Variants in SMCO2 observed in about 807,000 individuals in gnomAD.
The protein encoded by SMCO2 is single-pass membrane and coiled-coil domain-containing protein 2.
A neutral mutation model predicts 29.5 loss-of-function variants in SMCO2; 25 were observed. The observed-to-expected ratio is 0.85, with a 90% CI of 0.62 to 1.18. The LOEUF (loss-of-function observed/expected upper bound fraction) is 1.18, where lower values mean the gene tolerates loss of function less well. Among genes scored for constraint, SMCO2 ranks in the 50% most tolerant of loss-of-function variants. The pLI is 0.00. For synonymous variants in SMCO2, 117 were observed against 123.3 expected (o/e 0.95, Z 0.34); for missense variants, 348 against 344.5 (o/e 1.01, Z -0.08).
At chr12:27,453,996 G>A in the SMCO2 span, among the ~76,000 whole-genome samples, 18 of 151,830 alleles carry the variant, frequency 1.2e-4, no homozygotes, top group East Asian at 9.7e-4. Context: ...CTTTTTTGTG[G>A]GGGAGGGGGA....
In SMCO2 at chr12:27,501,891, T is replaced by C. The variant is rs910185622; in HGVS notation, c.684-32T>C. On this transcript the variant is annotated intron_variant, in intron 7 of 7. Transcript: ENST00000298876. Reference sequence around the variant, plus strand: ...CTATCAATGTGATTATTTTCAGAATTTGGTTAACACAGATGTTTTCTCTCT... The same window carrying C: ...CTATCAATGTGATTATTTTCAGAATCTGGTTAACACAGATGTTTTCTCTCT... 8.4e-6 allele frequency: 12 copies of C among 1,433,392 alleles called. 1 individual carries two copies. The highest frequency in any genetic ancestry group is 1.1e-5 in the Non-Finnish European group (12 of 1,084,828). 88.8% of individuals were successfully genotyped at this position (1,433,392 alleles called of 1,614,324 possible).
chr12:27,456,461 G>C, the SMCO2 span, among the ~76,000 whole-genome samples: 2 of 152,108 alleles, frequency 1.3e-5, no homozygotes, highest in Admixed American at 6.5e-5. Context: ...GGTCGGCAGA[G>C]GGGGGAGGAA....
intron 5 of SMCO2, among the ~76,000 whole-genome samples, chr12:27,492,002 G>A (rs758116483): frequency 6.6e-6 from 1 of 152,030 alleles, no homozygotes; most frequent in Non-Finnish European, 1.5e-5. Context: ...AGCCACTGTG[G>A]CTGGTTGCAT....
chr12:27,431,845 G>A, the SMCO2 span, among the ~76,000 whole-genome samples: 35 of 151,876 alleles, frequency 2.3e-4, no homozygotes, highest in Admixed American at 3.9e-4. Context: ...ACTGTTTTCC[G>A]TAGTGGTTGT....
upstream of SMCO2, among the ~76,000 whole-genome samples, chr12:27,462,847 T>C (rs914155801): frequency 6.6e-5 from 10 of 152,294 alleles, no homozygotes; most frequent in Admixed American, 6.5e-4. Context: ...CCCCTCTAAG[T>C]TTACTTCCTG....
chr12:27,469,525 C>T (rs1949524359), intron 1 of SMCO2, among the ~76,000 whole-genome samples: 2 of 152,216 alleles, frequency 1.3e-5, no homozygotes, highest in African/African-American at 4.8e-5. Flanking sequence ...CATAAATCAC[C>T]CTTGCAGAAA....
chr12:27,475,019 A>G (rs1949573036), intron 4 of SMCO2, 106 bp downstream of exon 4: 4 of 1,366,782 alleles, frequency 2.9e-6, no homozygotes, highest in South Asian at 1.4e-5. Flanking sequence ...AAATCCATAC[A>G]TGTCTTGAAC....
At chr12:27,460,348 A>G in the SMCO2 span, among the ~76,000 whole-genome samples, 5 of 152,218 alleles carry the variant, frequency 3.3e-5, no homozygotes, top group Admixed American at 2.6e-4. Context: ...TTAACTACTA[A>G]TAGCCACCTG....
At chr12:27,475,595 A>T (rs1346230222) in intron 4 of SMCO2, 4 of 1,541,574 alleles carry the variant, frequency 2.6e-6, no homozygotes, top group South Asian at 1.2e-5. Context: ...TCTGAAGGGC[A>T]TGTTCCTCAA....
chr12:27,427,803 C>T, the SMCO2 span, among the ~76,000 whole-genome samples: 2 of 152,082 alleles, frequency 1.3e-5, no homozygotes, highest in African/African-American at 2.4e-5. Flanking sequence ...GGGGAAATTG[C>T]AATAAAGAGT....
At chr12:27,443,969 C>G in the SMCO2 span, among the ~76,000 whole-genome samples, 2 of 152,072 alleles carry the variant, frequency 1.3e-5, no homozygotes, top group African/African-American at 2.4e-5. Flanking sequence ...AGAGAGAAAA[C>G]AATCCTAAAA....
chr12:27,468,120 G>A (rs1949512330), intron 1 of SMCO2, among the ~76,000 whole-genome samples: 1 of 152,074 alleles, frequency 6.6e-6, no homozygotes, highest in Non-Finnish European at 1.5e-5. Flanking sequence ...AAAAAGTGAG[G>A]CCCCCAGACA....
exon 5 of SMCO2, chr12:27,488,495 T>C (rs1020549126): frequency 1.5e-5 from 23 of 1,538,568 alleles, no homozygotes; most frequent in Non-Finnish European, 1.8e-5. Context: ...AAGGGTCAAA[T>C]TGAAAAGCTG....
chr12:27,464,512 C>T (rs12422487), upstream of SMCO2, among the ~76,000 whole-genome samples: 1,145 of 151,710 alleles, frequency 7.5e-3, 51 homozygotes, highest in Admixed American at 0.063. Flanking sequence ...AGTTCGAGAC[C>T]AGCCTGGGCA....
intron 4 of SMCO2, among the ~76,000 whole-genome samples, chr12:27,486,398 T>C (rs899738266): frequency 3.3e-5 from 5 of 152,226 alleles, no homozygotes; most frequent in South Asian, 2.1e-4. Flanking sequence ...CAGGAGTAAC[T>C]TGAAGTAACT....
the SMCO2 span, among the ~76,000 whole-genome samples, chr12:27,428,277 A>G: frequency 6.6e-6 from 1 of 152,216 alleles, no homozygotes; most frequent in Admixed American, 6.5e-5. Context: ...TCAAAGTTAA[A>G]CTATAAACTA....
At chr12:27,470,474 T>C (rs1460738641) in intron 1 of SMCO2, 148 bp from the exon 2 acceptor site, 2 of 812,290 alleles carry the variant, frequency 2.5e-6, no homozygotes, top group Non-Finnish European at 3.7e-6. Context: ...AGAGCTTGTT[T>C]TGGGGTCCTT....
the SMCO2 span, among the ~76,000 whole-genome samples, chr12:27,426,297 G>T: frequency 6.6e-6 from 1 of 152,214 alleles, no homozygotes; most frequent in Non-Finnish European, 1.5e-5. Context: ...CAGGGGTCTG[G>T]ATTGCAGTGC....
chr12:27,450,029 T>C, the SMCO2 span, among the ~76,000 whole-genome samples: 3 of 152,174 alleles, frequency 2.0e-5, no homozygotes, highest in African/African-American at 7.2e-5. Flanking sequence ...CAATCATAAT[T>C]GTCTCCTCTT....
Sources: allele counts gnomAD v4.1 joint callset (sites outside exome capture counted in the v4.1 genomes callset), GRCh38; gene constraint gnomAD v4.1.1; transcripts MANE v1.5; gene names NCBI Gene and HGNC (gene_info 2026-07-23, HGNC 2026-07-21).